Variants in RBFOX1 observed in about 807,000 individuals in gnomAD.
The protein encoded by RBFOX1 is RNA binding protein fox-1 homolog 1.
Under a neutral mutation model 57.7 loss-of-function variants are expected in RBFOX1, and 8 were observed. That is an observed-to-expected ratio of 0.14 (90% CI 0.08 to 0.25). RBFOX1 has a LOEUF of 0.25. Ranked by LOEUF, RBFOX1 falls within the 10% of genes least tolerant of loss-of-function variation. RBFOX1 has a pLI of 1.00. For missense variants in RBFOX1, 611 were observed against 548.5 expected, an observed-to-expected ratio of 1.11 and a Z score of -1.14; for synonymous variants, 326 against 222.4, an observed-to-expected ratio of 1.47 and a Z score of -4.15.
intron 11 of RBFOX1, among the ~76,000 whole-genome samples, chr16:7,640,815 C>T (rs2062657031): frequency 6.6e-6 from 1 of 151,542 alleles, no homozygotes; most frequent in African/African-American, 2.4e-5. Context: ...AGAAATCCTT[C>T]AATAGTTTGA....
chr16:6,289,983 G>T (rs1203015149), intron 1 of RBFOX1, among the ~76,000 whole-genome samples: 1 of 152,166 alleles, frequency 6.6e-6, no homozygotes, highest in Non-Finnish European at 1.5e-5. Context: ...TATGGAGAAG[G>T]GGTAGGAGAA....
intron 4 of RBFOX1, among the ~76,000 whole-genome samples, chr16:7,059,799 C>G (rs915047446): frequency 7.2e-5 from 11 of 152,082 alleles, no homozygotes; most frequent in African/African-American, 2.4e-4. Flanking sequence ...GTATTTGTTC[C>G]CAGGGCTGCT....
intron 4 of RBFOX1, among the ~76,000 whole-genome samples, chr16:7,324,815 C>T (rs546294584): frequency 2.6e-5 from 4 of 152,160 alleles, no homozygotes; most frequent in African/African-American, 9.6e-5. Flanking sequence ...GTTAGAGTAA[C>T]CCAGGGTCCT....
chr16:5,337,636 T>TA (rs1336107754), intron 1 of RBFOX1, among the ~76,000 whole-genome samples: 5 of 152,208 alleles, frequency 3.3e-5, no homozygotes, highest in Non-Finnish European at 7.3e-5. Context: ...TGTGATGTCT[T>TA]ACCTCTAGGT....
intron 4 of RBFOX1, among the ~76,000 whole-genome samples, chr16:5,900,980 G>A (rs1000695955): frequency 1.3e-5 from 2 of 152,236 alleles, no homozygotes; most frequent in Non-Finnish European, 2.9e-5. Flanking sequence ...CATGTGAGAA[G>A]CAGAGAAGCA....
intron 1 of RBFOX1, among the ~76,000 whole-genome samples, chr16:5,433,174 T>G (rs891131853): frequency 9.2e-5 from 14 of 152,316 alleles, no homozygotes; most frequent in Middle Eastern, 3.4e-3. Flanking sequence ...TGAGCCGCTG[T>G]GCGTGGCTGA....
At chr16:6,119,402 G>C (rs941047893) in intron 1 of RBFOX1, among the ~76,000 whole-genome samples, 2 of 152,126 alleles carry the variant, frequency 1.3e-5, no homozygotes, top group African/African-American at 4.8e-5. Context: ...CTTATTACTA[G>C]TGATATTAGC....
intron 4 of RBFOX1, among the ~76,000 whole-genome samples, chr16:7,293,205 C>G (rs549250949): frequency 6.6e-6 from 1 of 152,110 alleles, no homozygotes; most frequent in African/African-American, 2.4e-5. Flanking sequence ...TGTGCAGACA[C>G]TTTTTTCCTT....
intron 4 of RBFOX1, among the ~76,000 whole-genome samples, chr16:7,463,457 T>C (rs567335291): frequency 3.1e-4 from 47 of 152,290 alleles, no homozygotes; most frequent in Non-Finnish European, 4.1e-4. Context: ...TGAGCCAAGA[T>C]TGCGTCACTG....
intron 3 of RBFOX1, among the ~76,000 whole-genome samples, chr16:6,820,297 A>G (rs1043528752): frequency 2.6e-5 from 4 of 152,176 alleles, no homozygotes; most frequent in African/African-American, 9.6e-5. Context: ...CATTATGAAA[A>G]TAGACTAATA....
At chr16:6,844,685 C>T (rs1450158062) in intron 3 of RBFOX1, among the ~76,000 whole-genome samples, 2 of 152,024 alleles carry the variant, frequency 1.3e-5, no homozygotes, top group Non-Finnish European at 2.9e-5. Context: ...GATTTCTGTT[C>T]CTTTGGGTAT....
chr16:6,593,744 C>T (rs950625366), intron 2 of RBFOX1, among the ~76,000 whole-genome samples: 1 of 152,088 alleles, frequency 6.6e-6, no homozygotes, highest in African/African-American at 2.4e-5. Context: ...TTCAGTAGCA[C>T]TGGAACAGAG....
chr16:5,888,866 C>G (rs1438744659), intron 4 of RBFOX1, among the ~76,000 whole-genome samples: 1 of 148,660 alleles, frequency 6.7e-6, no homozygotes, highest in Non-Finnish European at 1.5e-5. Context: ...TAAACAATAG[C>G]ATGTACACAG....
At chr16:5,553,970 C>CTTT (rs36068724) in intron 2 of RBFOX1, among the ~76,000 whole-genome samples, 11 of 133,526 alleles carry the variant, frequency 8.2e-5, no homozygotes, top group African/African-American at 2.7e-4. Flanking sequence ...AACACGTATT[C>CTTT]TTTTTTTTTT....
chr16:6,714,493 G>A (rs754913819), intron 3 of RBFOX1, among the ~76,000 whole-genome samples: 5 of 152,118 alleles, frequency 3.3e-5, no homozygotes, highest in African/African-American at 4.8e-5. Flanking sequence ...ACATAGCTTA[G>A]TATTATCCTA....
intron 2 of RBFOX1, among the ~76,000 whole-genome samples, chr16:6,623,456 T>A (rs989195023): frequency 9.4e-5 from 14 of 148,698 alleles, no homozygotes; most frequent in African/African-American, 1.2e-4. Flanking sequence ...TTTTTTTTTT[T>A]ATTATACTTT....
At chr16:7,022,499 T>C (rs1255724043) in intron 3 of RBFOX1, among the ~76,000 whole-genome samples, 1 of 152,126 alleles carries the variant, frequency 6.6e-6, no homozygotes, top group Admixed American at 6.5e-5. Flanking sequence ...TCTTTTTCTT[T>C]CTTTATACTC....
intron 1 of RBFOX1, among the ~76,000 whole-genome samples, chr16:5,401,191 A>G (rs482896): frequency 0.085 from 12,856 of 152,128 alleles, 784 homozygotes; most frequent in African/African-American, 0.16. Context: ...CTTTCTGCAA[A>G]TTTTTATAGT....
intron 1 of RBFOX1, among the ~76,000 whole-genome samples, chr16:6,222,942 C>T (rs4424914): frequency 0.94 from 141,133 of 150,740 alleles, 66,734 homozygotes; most frequent in East Asian, 1. Context: ...TGAGTGAGAA[C>T]ATGCGGTGTT....
Sources: allele counts gnomAD v4.1 joint callset (sites outside exome capture counted in the v4.1 genomes callset), GRCh38; gene constraint gnomAD v4.1.1; transcripts MANE v1.5; gene names NCBI Gene and HGNC (gene_info 2026-07-23, HGNC 2026-07-21).